UST: variants seen among roughly 807,000 people sequenced by gnomAD.
UST encodes chondroitin sulfate 2-O-sulfotransferase.
In UST, 21 loss-of-function variants were observed where a neutral mutation model predicts 45.6. That is an observed-to-expected ratio of 0.46 (90% CI 0.33 to 0.66). The LOEUF (loss-of-function observed/expected upper bound fraction) is 0.66, where lower values mean the gene tolerates loss of function less well. UST is among the 30% of genes least tolerant of loss of function. UST has a pLI of 0.02. For missense variants in UST, 463 were observed against 512.4 expected (o/e 0.90, Z 0.93); for synonymous variants, 215 against 200.6 (o/e 1.07, Z -0.61).
intron 1 of UST, among the ~76,000 whole-genome samples, chr6:148,831,288 C>T (rs1777683562): frequency 6.6e-6 from 1 of 152,124 alleles, no homozygotes; most frequent in Admixed American, 6.5e-5. Context: ...AATTCAGGTG[C>T]AGAGAGAGGA....
intron 5 of UST, among the ~76,000 whole-genome samples, chr6:148,990,911 T>A (rs541228045): frequency 3.6e-4 from 55 of 152,232 alleles, no homozygotes; most frequent in Admixed American, 7.2e-4. Context: ...ATTCATTCAC[T>A]CAAGAAAATA....
chr6:148,894,287 T>C (rs1258733258), intron 2 of UST, among the ~76,000 whole-genome samples: 1 of 152,202 alleles, frequency 6.6e-6, no homozygotes, highest in African/African-American at 2.4e-5. Context: ...CCCCAGAATC[T>C]GTGAGTGGGA....
At chr6:148,807,544 C>G (rs1020612284) in intron 1 of UST, among the ~76,000 whole-genome samples, 6 of 151,994 alleles carry the variant, frequency 3.9e-5, no homozygotes, top group Non-Finnish European at 8.8e-5. Flanking sequence ...CTCTCTCTTC[C>G]CTCTGGAAGG....
At chr6:148,838,923 T>C (rs1477833546) in intron 1 of UST, among the ~76,000 whole-genome samples, 1 of 152,204 alleles carries the variant, frequency 6.6e-6, no homozygotes, top group Non-Finnish European at 1.5e-5. Context: ...GTCCCCTGAA[T>C]TGTTCTGAAT....
intron 1 of UST, among the ~76,000 whole-genome samples, chr6:148,876,678 A>T (rs182094792): frequency 1.3e-5 from 2 of 152,110 alleles, no homozygotes; most frequent in Non-Finnish European, 2.9e-5. Context: ...TGGCTATTTA[A>T]AATACACAGC....
intron 1 of UST, among the ~76,000 whole-genome samples, chr6:148,811,181 G>A (rs1428955587): frequency 6.6e-6 from 1 of 152,166 alleles, no homozygotes; most frequent in African/African-American, 2.4e-5. Flanking sequence ...CTTACCTGGG[G>A]GACTTACTTA....
chr6:148,867,658 G>T (rs9498168), intron 1 of UST, among the ~76,000 whole-genome samples: 95,559 of 151,884 alleles, frequency 0.63, 30,135 homozygotes, highest in Non-Finnish European at 0.65. Context: ...TGGCTCTCAT[G>T]CTCTCATCTG....
At chr6:148,795,966 ATAGTT>A (rs1166697938) in intron 1 of UST, among the ~76,000 whole-genome samples, 1 of 152,200 alleles carries the variant, frequency 6.6e-6, no homozygotes, top group East Asian at 1.9e-4. Context: ...GAAAATATTT[ATAGTT>A]TAGTTAATCT....
chr6:149,018,877 C>T (rs1227956394), intron 5 of UST, among the ~76,000 whole-genome samples: 1 of 152,150 alleles, frequency 6.6e-6, no homozygotes, highest in Non-Finnish European at 1.5e-5. Context: ...ACTTAAGACT[C>T]GGAGCCACCA....
chr6:149,006,066 A>G (rs777430057), intron 5 of UST, among the ~76,000 whole-genome samples: 1 of 152,172 alleles, frequency 6.6e-6, no homozygotes, highest in Non-Finnish European at 1.5e-5. Context: ...CGTTTCTTGC[A>G]CTCATCCTAT....
chr6:149,012,716 ATTG>A (rs964091541), intron 5 of UST, among the ~76,000 whole-genome samples: 6 of 148,582 alleles, frequency 4.0e-5, no homozygotes, highest in African/African-American at 7.5e-5. Flanking sequence ...ATTAAATTGT[ATTG>A]TTGTTTTGAC....
intron 5 of UST, among the ~76,000 whole-genome samples, chr6:148,990,693 C>A (rs982758484): frequency 2.6e-5 from 4 of 152,108 alleles, no homozygotes; most frequent in African/African-American, 9.7e-5. Flanking sequence ...CAAAGAGGCT[C>A]GGCATTAATT....
intron 7 of UST, among the ~76,000 whole-genome samples, chr6:149,069,761 A>G (rs1351793983): frequency 6.6e-6 from 1 of 152,236 alleles, no homozygotes; most frequent in Non-Finnish European, 1.5e-5. Flanking sequence ...ACTTTAAAGA[A>G]TATTCCCAAA....
At chr6:148,888,898 G>A (rs1051107088) in intron 2 of UST, among the ~76,000 whole-genome samples, 7 of 152,188 alleles carry the variant, frequency 4.6e-5, no homozygotes, top group Non-Finnish European at 7.3e-5. Context: ...GATAAGGACC[G>A]TGTCTAACTC....
At chr6:148,882,908 G>A (rs188966437) in intron 1 of UST, among the ~76,000 whole-genome samples, 1 of 152,350 alleles carries the variant, frequency 6.6e-6, no homozygotes, top group East Asian at 1.9e-4. Context: ...TACAGAATAG[G>A]AGGTGCTCTG....
rs376221236 is a variant in UST at position 149,049,355 on chromosome 6, G to T, written c.938-24478G>T. Among the ~76,000 whole-genome samples the T allele has an allele frequency of 6.6e-5, 10 of 152,130 alleles. No homozygotes were observed. In the South Asian group the frequency reaches 2.1e-3, roughly 31 times the overall value. ...AAATATGATGTGACATGAAGTAAAG[G>T]AGAAAAGAATAGTAAATCGTATTTA... On this transcript the variant is annotated intron_variant, in intron 7 of 7. Transcript: ENST00000367463.
chr6:149,006,208 A>G (rs1032476195), intron 5 of UST, among the ~76,000 whole-genome samples: 6 of 152,112 alleles, frequency 3.9e-5, no homozygotes, highest in Non-Finnish European at 7.4e-5. Flanking sequence ...TAAGCCCAAC[A>G]TGCATTAGCT....
At position 148,911,050 on chromosome 6, in the gene UST, G is replaced by A. The variant is rs1185225237; in HGVS notation, c.291+24021G>A. Among the ~76,000 whole-genome samples the A allele has an allele frequency of 2.6e-5, 4 of 152,120 alleles. No individual in the cohort carries two copies. The East Asian group carries it at 7.7e-4, about 29-fold the overall frequency. On this transcript the variant is annotated intron_variant, in intron 2 of 7. Coordinates refer to ENST00000367463, the MANE Select transcript of UST (RefSeq NM_005715.3). ...GCCCATTGCTTCCACGTCTGAATTGGCTGGCCCTGACCCCTCCAGGGTCTC... is the reference window on the plus strand; with the variant it reads ...GCCCATTGCTTCCACGTCTGAATTGACTGGCCCTGACCCCTCCAGGGTCTC...
At chr6:148,977,986 G>A (rs1232653545) in intron 5 of UST, among the ~76,000 whole-genome samples, 1 of 151,986 alleles carries the variant, frequency 6.6e-6, no homozygotes, top group East Asian at 1.9e-4. Flanking sequence ...TCTTCATTTA[G>A]ATCTTGCACA....
Sources: gnomAD v4.1 joint callset for allele counts (sites outside exome capture counted in the v4.1 genomes callset) on GRCh38, gnomAD v4.1.1 for gene constraint, MANE v1.5 for transcripts, NCBI Gene and HGNC (gene_info 2026-07-23, HGNC 2026-07-21) for gene names.